The following SEPTIN14 variants were observed in gnomAD, a reference collection of about 807,000 sequenced individuals.
The protein encoded by SEPTIN14 is septin 14, also known as septin-14.
Under a neutral mutation model 53.6 loss-of-function variants are expected in SEPTIN14, and 40 were observed. The ratio of observed to expected loss-of-function variants is 0.75; its 90% CI spans 0.58 to 0.97. The LOEUF (loss-of-function observed/expected upper bound fraction) is 0.97, where lower values mean the gene tolerates loss of function less well. SEPTIN14 is among the 50% of genes least tolerant of loss of function. SEPTIN14 has a pLI of 0.00. For missense variants in SEPTIN14, 471 were observed against 508.2 expected (o/e 0.93, Z 0.70); for synonymous variants, 138 against 166.8 (o/e 0.83, Z 1.33).
At chr7:55,829,828 A>AG (rs1253712314) in intron 6 of SEPTIN14, among the ~76,000 whole-genome samples, 1 of 149,726 alleles carries the variant, frequency 6.7e-6, no homozygotes, top group Non-Finnish European at 1.5e-5. Context: ...CTCAAAAAAA[A>AG]AAAAAAAAAA....
At chr7:55,834,878 C>G (rs1014784914) in intron 5 of SEPTIN14, among the ~76,000 whole-genome samples, 7 of 152,126 alleles carry the variant, frequency 4.6e-5, no homozygotes, top group African/African-American at 1.7e-4. Context: ...ATCTCCTGAC[C>G]TCGTGATCCG....
At chr7:55,855,708 C>T (rs1789611323) in intron 2 of SEPTIN14, among the ~76,000 whole-genome samples, 1 of 152,052 alleles carries the variant, frequency 6.6e-6, no homozygotes, top group Non-Finnish European at 1.5e-5. Context: ...GCCGTGCCAC[C>T]ACGCCCAACT....
chr7:55,842,585 A>T (rs1789331061), intron 5 of SEPTIN14, among the ~76,000 whole-genome samples: 2 of 151,014 alleles, frequency 1.3e-5, no homozygotes, highest in Non-Finnish European at 2.9e-5. Flanking sequence ...CCTGGGTGAC[A>T]GAGCAAGACC....
Position 55,843,140 on chromosome 7 carries a change from T to A in SEPTIN14, c.372-12A>T, listed in dbSNP as rs748201029. On this transcript the variant is annotated splice_polypyrimidine_tract_variant and intron_variant, in intron 4 of 9. Coordinates refer to ENST00000388975, the MANE Select transcript of SEPTIN14 (RefSeq NM_207366.3). Reference sequence around the variant, plus strand: ...CTATTGGTTGGTAGCTAAAAAAAAATTTATACATTTAGCATAACAGACTAA... The same window carrying A: ...CTATTGGTTGGTAGCTAAAAAAAAAATTATACATTTAGCATAACAGACTAA... 2.3e-5 allele frequency: 35 copies of A among 1,508,242 alleles called. No individual in the cohort carries two copies. Among genetic ancestry groups the A allele is most frequent in the Non-Finnish European group, 2.8e-5 (31 of 1,121,078 alleles). The allele number at this position is 1,508,242 out of a possible 1,614,324, so 93.4% of individuals were successfully genotyped here. A position where few individuals can be genotyped will look rare whatever the true frequency, so the allele number is the denominator to read the frequency against.
chr7:55,853,625 A>G (rs1297046794), intron 2 of SEPTIN14, among the ~76,000 whole-genome samples: 1 of 152,216 alleles, frequency 6.6e-6, no homozygotes, highest in Non-Finnish European at 1.5e-5. Context: ...CAACAGGGCG[A>G]CTATAGTCAA....
intron 7 of SEPTIN14, among the ~76,000 whole-genome samples, chr7:55,818,590 A>G (rs1380829939): frequency 1.3e-5 from 2 of 152,134 alleles, no homozygotes; most frequent in Non-Finnish European, 2.9e-5. Context: ...TGCTTACTAC[A>G]CTATTCTAAC....
chr7:55,815,550 C>A (rs1788777101), intron 7 of SEPTIN14, among the ~76,000 whole-genome samples: 1 of 152,004 alleles, frequency 6.6e-6, no homozygotes, highest in Admixed American at 6.6e-5. Context: ...TGTGAAGTAA[C>A]TGCTCATTGT....
At chr7:55,837,708 G>A (rs4947526) in intron 5 of SEPTIN14, among the ~76,000 whole-genome samples, 6,135 of 152,032 alleles carry the variant, frequency 0.04, 155 homozygotes, top group Admixed American at 0.061. Context: ...TCAGCCTCCC[G>A]AGTAGCTGGG....
At chr7:55,817,661 TG>T (rs1788818889) in intron 7 of SEPTIN14, among the ~76,000 whole-genome samples, 1 of 151,024 alleles carries the variant, frequency 6.6e-6, no homozygotes, top group Admixed American at 6.6e-5. Flanking sequence ...TAGTAGAGAT[TG>T]GGTTTCACTG....
intron 5 of SEPTIN14, among the ~76,000 whole-genome samples, chr7:55,835,303 T>C (rs1022611656): frequency 4.0e-5 from 6 of 151,754 alleles, no homozygotes; most frequent in Non-Finnish European, 8.8e-5. Flanking sequence ...CCCAGGTTCA[T>C]GCCATTCTCC....
chr7:55,816,469 T>A (rs924648371), intron 7 of SEPTIN14, among the ~76,000 whole-genome samples: 2 of 151,904 alleles, frequency 1.3e-5, no homozygotes, highest in Non-Finnish European at 1.5e-5. Context: ...CCTATAAATA[T>A]ACACACCTAC....
chr7:55,802,560 T>C (rs1463784948), intron 9 of SEPTIN14, among the ~76,000 whole-genome samples: 2 of 148,286 alleles, frequency 1.3e-5, no homozygotes, highest in Non-Finnish European at 3.0e-5. Context: ...GAAAAAAAAA[T>C]TAGATCTTTA....
chr7:55,818,627 A>C (rs1788836907), intron 7 of SEPTIN14, among the ~76,000 whole-genome samples: 1 of 152,190 alleles, frequency 6.6e-6, no homozygotes, highest in Admixed American at 6.5e-5. Flanking sequence ...TAATAATATA[A>C]ATGTCAAAGG....
intron 7 of SEPTIN14, chr7:55,811,390 T>C (rs1788703019): frequency 4.1e-6 from 2 of 490,672 alleles, no homozygotes; most frequent in South Asian, 3.1e-5. Context: ...GCCACCCAAC[T>C]ACTGCCCTTT....
chr7:55,858,452 A>G (rs1789686235), intron 2 of SEPTIN14, among the ~76,000 whole-genome samples: 1 of 152,204 alleles, frequency 6.6e-6, no homozygotes, highest in Non-Finnish European at 1.5e-5. Context: ...TCATCAGAAA[A>G]ACATCCTCTG....
At chr7:55,855,380 G>A (rs902774237) in intron 2 of SEPTIN14, among the ~76,000 whole-genome samples, 4 of 152,088 alleles carry the variant, frequency 2.6e-5, no homozygotes, top group Admixed American at 2.0e-4. Context: ...AATCGAAGGA[G>A]AGACAGAAAC....
At chr7:55,817,464 A>C (rs1384599506) in intron 7 of SEPTIN14, among the ~76,000 whole-genome samples, 1 of 136,194 alleles carries the variant, frequency 7.3e-6, no homozygotes, top group Non-Finnish European at 1.5e-5. Context: ...AATATTTTAT[A>C]TATATATATA....
At position 55,836,931 on chromosome 7, in the gene SEPTIN14, A is replaced by G. The variant is rs537045320; in HGVS notation, c.559-2345T>C. Among the ~76,000 whole-genome samples, 222 of 152,222 alleles carry G rather than the reference A, an allele frequency of 1.5e-3. 1 individual carries two copies. Among genetic ancestry groups the G allele is most frequent in the African/African-American group, 5.1e-3 (211 of 41,554 alleles). On this transcript the variant is annotated intron_variant, in intron 5 of 9. Transcript: ENST00000388975. ...GTAAAAGTTGAGATTCCTCGGATAAAAGGAACCCAACTTAGAACTTTTTCT... is the reference window on the plus strand; with the variant it reads ...GTAAAAGTTGAGATTCCTCGGATAAGAGGAACCCAACTTAGAACTTTTTCT...
At chr7:55,811,030 TTTC>T (rs149200743) in intron 7 of SEPTIN14, 6 of 455,588 alleles carry the variant, frequency 1.3e-5, no homozygotes, top group East Asian at 5.2e-5. Context: ...TTATGTTTAT[TTTC>T]TTCTTCTTCC....
Sources: allele counts gnomAD v4.1 joint callset (sites outside exome capture counted in the v4.1 genomes callset), GRCh38; gene constraint gnomAD v4.1.1; transcripts MANE v1.5; gene names NCBI Gene and HGNC (gene_info 2026-07-23, HGNC 2026-07-21).